KCND2: variants seen among roughly 807,000 people sequenced by gnomAD.
KCND2 encodes potassium voltage-gated channel subfamily D member 2.
Under a neutral mutation model 54.4 loss-of-function variants are expected in KCND2, and 16 were observed. That is an observed-to-expected ratio of 0.29 (90% confidence interval 0.20 to 0.45). The LOEUF is 0.45. Among genes scored for constraint, KCND2 ranks in the 20% least tolerant of loss-of-function variants. KCND2 has a pLI of 1.00. For missense variants in KCND2, 486 were observed against 824.2 expected (o/e 0.59, Z 5.02); for synonymous variants, 317 against 310.7 (o/e 1.02, Z -0.21).
At chr7:120,469,512 G>A (rs1439473476) in intron 1 of KCND2, among the ~76,000 whole-genome samples, 2 of 152,228 alleles carry the variant, frequency 1.3e-5, no homozygotes, top group Non-Finnish European at 2.9e-5. Context: ...CAGGACTAAT[G>A]TTGTTAGAGA....
intron 1 of KCND2, among the ~76,000 whole-genome samples, chr7:120,662,377 G>T (rs938615965): frequency 1.3e-5 from 2 of 151,990 alleles, no homozygotes; most frequent in African/African-American, 4.8e-5. Context: ...TATAACAATT[G>T]TCATTTTTAT....
intron 1 of KCND2, among the ~76,000 whole-genome samples, chr7:120,303,661 T>G (rs534773032): frequency 1.3e-5 from 2 of 152,174 alleles, no homozygotes; most frequent in Non-Finnish European, 2.9e-5. Flanking sequence ...TCAAGAATGT[T>G]CATCCAGAGC....
At chr7:120,432,398 A>G (rs1801804426) in intron 1 of KCND2, among the ~76,000 whole-genome samples, 1 of 152,070 alleles carries the variant, frequency 6.6e-6, no homozygotes, top group Non-Finnish European at 1.5e-5. Flanking sequence ...AGTGTACTGT[A>G]TTTGTCTAGC....
chr7:120,602,964 T>G (rs1792833660), intron 1 of KCND2, among the ~76,000 whole-genome samples: 1 of 152,220 alleles, frequency 6.6e-6, no homozygotes, highest in Non-Finnish European at 1.5e-5. Flanking sequence ...AGGAATTCAA[T>G]TATTAAACTA....
intron 1 of KCND2, among the ~76,000 whole-genome samples, chr7:120,660,463 C>A (rs1791852145): frequency 6.6e-6 from 1 of 152,174 alleles, no homozygotes; most frequent in South Asian, 2.1e-4. Context: ...CCTCCTATTT[C>A]TTTCCATTTG....
At chr7:120,326,371 ACAGG>A (rs1799978073) in intron 1 of KCND2, among the ~76,000 whole-genome samples, 1 of 152,120 alleles carries the variant, frequency 6.6e-6, no homozygotes, top group African/African-American at 2.4e-5. Context: ...TGGTAAACAA[ACAGG>A]CAGACATTTC....
intron 1 of KCND2, among the ~76,000 whole-genome samples, chr7:120,420,369 T>C (rs1801594364): frequency 6.6e-6 from 1 of 152,178 alleles, no homozygotes; most frequent in African/African-American, 2.4e-5. Context: ...ACAGGCTCAA[T>C]AGAGCAGTGC....
At chr7:120,710,518 A>G (rs1222274041) in intron 1 of KCND2, among the ~76,000 whole-genome samples, 1 of 152,158 alleles carries the variant, frequency 6.6e-6, no homozygotes, top group Non-Finnish European at 1.5e-5. Context: ...CAAGGTCAAT[A>G]TCTTCACTGT....
chr7:120,420,237 G>T (rs927740573), intron 1 of KCND2, among the ~76,000 whole-genome samples: 5 of 152,096 alleles, frequency 3.3e-5, no homozygotes, highest in Admixed American at 3.3e-4. Context: ...ACTGCAAGAA[G>T]CATACTTTCA....
intron 1 of KCND2, among the ~76,000 whole-genome samples, chr7:120,303,866 T>C (rs79871916): frequency 6.6e-6 from 1 of 152,162 alleles, no homozygotes; most frequent in African/African-American, 2.4e-5. Context: ...CAGTGGGATC[T>C]TTTTCCTTCT....
At chr7:120,622,478 G>A (rs945031815) in intron 1 of KCND2, among the ~76,000 whole-genome samples, 2 of 145,858 alleles carry the variant, frequency 1.4e-5, no homozygotes, top group African/African-American at 5.5e-5. Context: ...TTAACCATGC[G>A]AAATTGTTAT....
intron 1 of KCND2, among the ~76,000 whole-genome samples, chr7:120,639,933 GA>G (rs1793350857): frequency 6.6e-6 from 1 of 151,626 alleles, no homozygotes. Context: ...ACTTAATACT[GA>G]AAAATAGGAG....
intron 1 of KCND2, among the ~76,000 whole-genome samples, chr7:120,393,525 G>A (rs889141756): frequency 6.6e-6 from 1 of 151,972 alleles, no homozygotes; most frequent in African/African-American, 2.4e-5. Flanking sequence ...CGTCTACAAT[G>A]TTGTAGGTGC....
In KCND2 at chr7:120,439,904, G is replaced by A. The variant is rs544726955; in HGVS notation, c.1115+164157G>A. ...ACACTTTATCCCTTCATCTGTTGAT[G>A]GACATGTTGGTTGTTTCCATATTTT... On this transcript the variant is annotated intron_variant, in intron 1 of 5. Coordinates refer to ENST00000331113, the MANE Select transcript of KCND2 (RefSeq NM_012281.3). 2.6e-5 allele frequency among the ~76,000 whole-genome samples: 4 copies of A among 152,110 alleles called. No individual in the cohort carries two copies. In the South Asian group the frequency reaches 8.3e-4, roughly 32 times the overall value.
chr7:120,527,904 A>G (rs1447731364), intron 1 of KCND2, among the ~76,000 whole-genome samples: 1 of 152,146 alleles, frequency 6.6e-6, no homozygotes, highest in South Asian at 2.1e-4. Flanking sequence ...GATCCCTAGG[A>G]ACAGACAGAT....
chr7:120,479,765 A>AAC (rs1802576703), intron 1 of KCND2, among the ~76,000 whole-genome samples: 2 of 140,396 alleles, frequency 1.4e-5, no homozygotes, highest in South Asian at 4.6e-4. Flanking sequence ...CCCATCTCTA[A>AAC]ATATATATAT....
chr7:120,298,297 G>A (rs1799539465), intron 1 of KCND2, among the ~76,000 whole-genome samples: 1 of 152,098 alleles, frequency 6.6e-6, no homozygotes, highest in African/African-American at 2.4e-5. Flanking sequence ...CACCAAAAGG[G>A]GAACTCATTT....
At chr7:120,540,352 A>C (rs529444826) in intron 1 of KCND2, among the ~76,000 whole-genome samples, 19 of 152,322 alleles carry the variant, frequency 1.2e-4, no homozygotes, top group African/African-American at 4.3e-4. Flanking sequence ...ATGGGTATAT[A>C]AACTTGATAT....
At chr7:120,401,374 A>G (rs2116081166) in intron 1 of KCND2, among the ~76,000 whole-genome samples, 1 of 152,272 alleles carries the variant, frequency 6.6e-6, no homozygotes, top group South Asian at 2.1e-4. Flanking sequence ...AGAGTTAGAT[A>G]TGCTTTTGAG....
Sources: allele counts gnomAD v4.1 joint callset (sites outside exome capture counted in the v4.1 genomes callset), GRCh38; gene constraint gnomAD v4.1.1; transcripts MANE v1.5; gene names NCBI Gene and HGNC (gene_info 2026-07-23, HGNC 2026-07-21).